Variants in FHIT observed in about 807,000 individuals in gnomAD.
FHIT encodes the protein bis(5'-adenosyl)-triphosphatase.
A neutral mutation model predicts 17.9 loss-of-function variants in FHIT; 19 were observed. That is an observed-to-expected ratio of 1.06 (90% CI 0.74 to 1.56). FHIT has a LOEUF of 1.56. Ranked by LOEUF, FHIT falls within the 40% of genes most tolerant of loss-of-function variation. The probability of loss-of-function intolerance (pLI) is 0.00; values close to 1 mark genes in which losing one functional copy is unlikely to be tolerated. For synonymous variants in FHIT, 81 were observed against 69.7 expected (o/e 1.16, Z -0.81); for missense variants, 248 against 189.2 (o/e 1.31, Z -1.82).
chr3:59,802,384 C>A (rs1318082035), intron 8 of FHIT, among the ~76,000 whole-genome samples: 2 of 152,176 alleles, frequency 1.3e-5, no homozygotes, highest in African/African-American at 2.4e-5. Context: ...TCCATCATAT[C>A]CCCTGTGACC....
chr3:60,906,047 A>G (rs1706396977), intron 3 of FHIT, among the ~76,000 whole-genome samples: 1 of 152,224 alleles, frequency 6.6e-6, no homozygotes. Flanking sequence ...CAGGACATAA[A>G]TGGATCTAAT....
chr3:60,129,053 G>GTTTTTTTT (rs72428863), intron 5 of FHIT, among the ~76,000 whole-genome samples: 1 of 123,484 alleles, frequency 8.1e-6, no homozygotes, highest in African/African-American at 3.4e-5. Context: ...TTTTTTGTTT[G>GTTTTTTTT]TTTTTTTTTT....
intron 1 of FHIT, among the ~76,000 whole-genome samples, chr3:61,202,091 C>CACACAT (rs1361100616): frequency 1.3e-5 from 2 of 151,618 alleles, no homozygotes; most frequent in Admixed American, 6.6e-5. Context: ...CACACACACA[C>CACACAT]GCACATACAC....
rs776742490 is a variant in FHIT, at chr3:60,173,884, AATATATATATATAT to A, written c.104-159746_104-159733del. On this transcript the variant is annotated intron_variant, in intron 5 of 9. Coordinates refer to ENST00000492590, the MANE Select transcript of FHIT (RefSeq NM_002012.4). ...GGTGCTAAACTATCTCCATGTTTCT[AATATATATATATAT>A]ATATATATATATATATATGTTTTTT... is the stretch of plus-strand genomic sequence containing the variant. Among the ~76,000 whole-genome samples the A allele has an allele frequency of 3.0e-3, 93 of 30,508 alleles. 1 individual carries two copies. The highest frequency in any genetic ancestry group is 0.028 in the Middle Eastern group (1 of 36). The allele number at this position is 30,508 out of a possible 152,430, so 20.0% of individuals were successfully genotyped here.
At chr3:60,157,323 T>C (rs1011217934) in intron 5 of FHIT, among the ~76,000 whole-genome samples, 3 of 152,320 alleles carry the variant, frequency 2.0e-5, no homozygotes, top group South Asian at 4.1e-4. Flanking sequence ...TTTTTAAATC[T>C]ACCGCAACGT....
rs111341566 is a variant in FHIT, at chr3:61,074,254, A to T, written c.-163-32155T>A. Reference sequence around the variant, plus strand: ...AAACTCACTCGGAAGAGAATATCACAGTCTTCTCTTTTTGAGAGGGTATTC... The same window carrying T: ...AAACTCACTCGGAAGAGAATATCACTGTCTTCTCTTTTTGAGAGGGTATTC... On this transcript the variant is annotated intron_variant, in intron 2 of 9. Coordinates refer to ENST00000492590, the MANE Select transcript of FHIT (RefSeq NM_002012.4). 9.7e-3 allele frequency among the ~76,000 whole-genome samples: 1,474 copies of T among 152,308 alleles called. 24 individuals are homozygous for T. The highest frequency in any genetic ancestry group is 0.033 in the African/African-American group (1,357 of 41,572).
intron 3 of FHIT, among the ~76,000 whole-genome samples, chr3:61,034,647 A>T (rs2033158031): frequency 1.3e-5 from 2 of 152,208 alleles, no homozygotes; most frequent in Admixed American, 6.5e-5. Context: ...GTTGGTAAAG[A>T]TATAGAGAAA....
intron 5 of FHIT, among the ~76,000 whole-genome samples, chr3:60,472,621 G>A (rs1021534865): frequency 1.3e-5 from 2 of 151,968 alleles, no homozygotes; most frequent in African/African-American, 2.4e-5. Context: ...CGCCCGTCTC[G>A]GCCTCCCAAA....
chr3:60,710,074 TA>T (rs782196858), intron 4 of FHIT, among the ~76,000 whole-genome samples: 7,166 of 80,562 alleles, frequency 0.089, 165 homozygotes, highest in East Asian at 0.16. Context: ...CACAGAATGC[TA>T]AAAAAAAAAA....
intron 5 of FHIT, among the ~76,000 whole-genome samples, chr3:60,129,264 G>C (rs181958202): frequency 1.0e-3 from 154 of 151,932 alleles, no homozygotes; most frequent in Non-Finnish European, 1.9e-3. Flanking sequence ...TGTTGGCAGG[G>C]ATGGTCTTTA....
chr3:60,544,047 C>T (rs146603495), intron 4 of FHIT, among the ~76,000 whole-genome samples: 5 of 151,010 alleles, frequency 3.3e-5, no homozygotes, highest in East Asian at 1.9e-4. Flanking sequence ...CATGAGCCAC[C>T]GCGCCCGGAC....
intron 8 of FHIT, among the ~76,000 whole-genome samples, chr3:59,801,938 A>T (rs1033075514): frequency 1.3e-5 from 2 of 151,972 alleles, no homozygotes; most frequent in Non-Finnish European, 2.9e-5. Flanking sequence ...TAATGTTCAC[A>T]CTCTCTCATT....
chr3:60,172,821 T>G (rs1034101569), intron 5 of FHIT, among the ~76,000 whole-genome samples: 1 of 152,082 alleles, frequency 6.6e-6, no homozygotes, highest in Non-Finnish European at 1.5e-5. Context: ...CTACTAGTAA[T>G]AGAAATGATC....
At chr3:61,026,757 C>T (rs892201067) in intron 3 of FHIT, among the ~76,000 whole-genome samples, 5 of 152,056 alleles carry the variant, frequency 3.3e-5, no homozygotes, top group Non-Finnish European at 5.9e-5. Context: ...GATTGGACGC[C>T]GCTGCTAAAG....
rs559152694 is a variant in FHIT at position 59,772,798 on chromosome 3, C to G, written c.349-20477G>C. On this transcript the variant is annotated intron_variant, in intron 8 of 9. Coordinates refer to ENST00000492590, the MANE Select transcript of FHIT (RefSeq NM_002012.4). ...AGCTCGATGTTACATATAACTGCAA[C>G]TAGCTTGTGCATCCACAACTCCAAA... Among the ~76,000 whole-genome samples, 3 of 152,300 alleles carry G rather than the reference C, an allele frequency of 2.0e-5. No individual in the cohort carries two copies. In the East Asian group the frequency reaches 5.8e-4, roughly 29 times the overall value.
At chr3:61,120,600 A>G (rs890398215) in intron 2 of FHIT, among the ~76,000 whole-genome samples, 6 of 152,202 alleles carry the variant, frequency 3.9e-5, no homozygotes, top group African/African-American at 1.2e-4. Context: ...GAAATCCCCA[A>G]CCAACCACTG....
At chr3:60,919,130 A>C (rs1156591979) in intron 3 of FHIT, among the ~76,000 whole-genome samples, 1 of 152,182 alleles carries the variant, frequency 6.6e-6, no homozygotes, top group Non-Finnish European at 1.5e-5. Context: ...GCTCTTGTCA[A>C]GATGATGCAG....
chr3:60,042,320 T>A (rs942755286), intron 5 of FHIT, among the ~76,000 whole-genome samples: 2 of 152,214 alleles, frequency 1.3e-5, no homozygotes, highest in East Asian at 3.8e-4. Context: ...CTACCATCGA[T>A]ATATCCTTTG....
chr3:60,601,481 A>G (rs1195306747), intron 4 of FHIT, among the ~76,000 whole-genome samples: 1 of 152,194 alleles, frequency 6.6e-6, no homozygotes, highest in Admixed American at 6.5e-5. Context: ...CCCTCAAACC[A>G]TAGCTCAGAA....
Sources: allele counts gnomAD v4.1 joint callset (sites outside exome capture counted in the v4.1 genomes callset), GRCh38; gene constraint gnomAD v4.1.1; transcripts MANE v1.5; gene names NCBI Gene and HGNC (gene_info 2026-07-23, HGNC 2026-07-21).